Variants in CTNNA3 observed in about 807,000 individuals in gnomAD.
The protein encoded by CTNNA3 is catenin alpha 3.
A neutral mutation model predicts 95.7 loss-of-function variants in CTNNA3; 76 were observed. The observed-to-expected ratio is 0.79, with a 90% CI of 0.66 to 0.96. The LOEUF (loss-of-function observed/expected upper bound fraction) is 0.96. CTNNA3 is among the 40% of genes least tolerant of loss of function. The pLI is 0.00. For missense variants in CTNNA3, 1,191 were observed against 1,089.8 expected (o/e 1.09, Z -1.31); for synonymous variants, 431 against 374.4 (o/e 1.15, Z -1.74).
intron 11 of CTNNA3, among the ~76,000 whole-genome samples, chr10:66,389,680 T>G (rs1410487078): frequency 6.6e-6 from 1 of 151,308 alleles, no homozygotes; most frequent in South Asian, 2.1e-4. Flanking sequence ...ATTTTTAAAA[T>G]TATAATTTTT....
At chr10:66,756,665 C>T (rs1839371455) in intron 9 of CTNNA3, among the ~76,000 whole-genome samples, 1 of 152,054 alleles carries the variant, frequency 6.6e-6, no homozygotes, top group Non-Finnish European at 1.5e-5. Context: ...CAGCTGATCT[C>T]CTCTGTGTTT....
chr10:67,583,866 G>T (rs1479063974), intron 3 of CTNNA3, among the ~76,000 whole-genome samples: 1 of 152,076 alleles, frequency 6.6e-6, no homozygotes, highest in Non-Finnish European at 1.5e-5. Context: ...ACTGAAGCTT[G>T]TGCATTCGTC....
chr10:66,014,515 T>A (rs72791433), intron 15 of CTNNA3, among the ~76,000 whole-genome samples: 1 of 152,064 alleles, frequency 6.6e-6, no homozygotes, highest in Admixed American at 6.5e-5. Flanking sequence ...GACAGAGTAG[T>A]TCTCTCACTT....
chr10:66,677,307 TA>T (rs1397308894), intron 9 of CTNNA3, among the ~76,000 whole-genome samples: 6 of 152,164 alleles, frequency 3.9e-5, no homozygotes, highest in Non-Finnish European at 7.4e-5. Flanking sequence ...AGTGAAGAAT[TA>T]GCACTTTGTA....
At chr10:65,969,247 AT>A (rs2078045006) in intron 16 of CTNNA3, among the ~76,000 whole-genome samples, 2 of 152,180 alleles carry the variant, frequency 1.3e-5, no homozygotes, top group Admixed American at 6.6e-5. Context: ...AGAAAAAAAA[AT>A]CAATAGTATT....
chr10:67,388,753 A>G (rs1844314147), intron 5 of CTNNA3, among the ~76,000 whole-genome samples: 1 of 152,186 alleles, frequency 6.6e-6, no homozygotes, highest in African/African-American at 2.4e-5. Flanking sequence ...GAGGGCCAAT[A>G]TTCAACATTC....
chr10:66,753,878 TA>T (rs911209779), intron 9 of CTNNA3, among the ~76,000 whole-genome samples: 2 of 151,678 alleles, frequency 1.3e-5, no homozygotes, highest in Non-Finnish European at 2.9e-5. Context: ...TGAAAAAAAT[TA>T]AAGGAGATCT....
At chr10:66,170,637 A>T (rs1291086710) in intron 13 of CTNNA3, among the ~76,000 whole-genome samples, 1 of 152,070 alleles carries the variant, frequency 6.6e-6, no homozygotes, top group Non-Finnish European at 1.5e-5. Context: ...CTTTGAAGAA[A>T]AAAGGCACCA....
At chr10:66,904,051 A>G (rs1845876602) in intron 7 of CTNNA3, among the ~76,000 whole-genome samples, 1 of 152,208 alleles carries the variant, frequency 6.6e-6, no homozygotes, top group Non-Finnish European at 1.5e-5. Flanking sequence ...ATAGAACCAA[A>G]AAGGAGCCTG....
At chr10:67,450,221 T>C (rs1022209476) in intron 5 of CTNNA3, among the ~76,000 whole-genome samples, 2 of 152,292 alleles carry the variant, frequency 1.3e-5, no homozygotes, top group East Asian at 3.9e-4. Flanking sequence ...GTTCAACCAT[T>C]GTGGAACGCA....
chr10:67,545,732 G>C (rs912039069), intron 3 of CTNNA3, among the ~76,000 whole-genome samples: 1 of 152,110 alleles, frequency 6.6e-6, no homozygotes, highest in African/African-American at 2.4e-5. Context: ...AATATAGTTT[G>C]GTTGTGGTTT....
intron 9 of CTNNA3, among the ~76,000 whole-genome samples, chr10:66,649,710 T>C (rs1334566935): frequency 6.6e-6 from 1 of 152,170 alleles, no homozygotes; most frequent in Non-Finnish European, 1.5e-5. Flanking sequence ...TCTCTGGGCC[T>C]GCCCCACTGC....
At chr10:66,217,961 G>A (rs35185588) in intron 13 of CTNNA3, among the ~76,000 whole-genome samples, 1 of 152,012 alleles carries the variant, frequency 6.6e-6, no homozygotes, top group Non-Finnish European at 1.5e-5. Flanking sequence ...CTGCGCACTA[G>A]GGGAAGGAGC....
intron 9 of CTNNA3, among the ~76,000 whole-genome samples, chr10:66,662,238 A>G (rs1391954678): frequency 2.0e-5 from 3 of 152,318 alleles, no homozygotes; most frequent in South Asian, 4.1e-4. Context: ...CAATGGAGAC[A>G]TTGGTATCCT....
intron 17 of CTNNA3, among the ~76,000 whole-genome samples, chr10:65,959,194 G>T (rs1786913): frequency 0.14 from 21,398 of 152,154 alleles, 1,762 homozygotes; most frequent in South Asian, 0.26. Context: ...CTCCGAGCCA[G>T]GTGTGGGATA....
chr10:66,883,863 G>A (rs1844936008), intron 7 of CTNNA3, among the ~76,000 whole-genome samples: 1 of 152,110 alleles, frequency 6.6e-6, no homozygotes, highest in Non-Finnish European at 1.5e-5. Context: ...ATATGGTGGT[G>A]TCTTAGTTCA....
intron 10 of CTNNA3, among the ~76,000 whole-genome samples, chr10:66,603,902 A>G (rs1454432553): frequency 6.6e-6 from 1 of 152,188 alleles, no homozygotes; most frequent in African/African-American, 2.4e-5. Flanking sequence ...GTAGATTCCC[A>G]TCTTTCACCA....
At chr10:67,342,629 G>T (rs989149462) in intron 5 of CTNNA3, among the ~76,000 whole-genome samples, 2 of 152,156 alleles carry the variant, frequency 1.3e-5, no homozygotes, top group African/African-American at 4.8e-5. Flanking sequence ...GGAAGAGATA[G>T]GGGTCTAGTT....
Position 66,316,252 on chromosome 10 carries a change from G to A in CTNNA3, c.1733-35631C>T, listed in dbSNP as rs533598824. ...GGGTTAAATCTAAGAATAAATATTC[G>A]CAAAAGTGAAAATTGTAAAGAGCAG... On this transcript the variant is annotated intron_variant, in intron 12 of 17. Transcript: ENST00000433211. Among the ~76,000 whole-genome samples the A allele has an allele frequency of 9.9e-5, 15 of 152,046 alleles. No individual in the cohort carries two copies. In the East Asian group the frequency reaches 2.1e-3, roughly 22 times the overall value.
Sources: gnomAD v4.1 joint callset for allele counts (sites outside exome capture counted in the v4.1 genomes callset) on GRCh38, gnomAD v4.1.1 for gene constraint, MANE v1.5 for transcripts, NCBI Gene and HGNC (gene_info 2026-07-23, HGNC 2026-07-21) for gene names.